TRIM45: variants seen among roughly 807,000 people sequenced by gnomAD.
TRIM45 encodes tripartite motif containing 45.
TRIM45 carries 45 observed loss-of-function variants against 46.7 expected under a neutral mutation model. That is an observed-to-expected ratio of 0.96 (90% CI 0.76 to 1.24). The LOEUF is 1.24. Among genes scored for constraint, TRIM45 ranks in the 50% most tolerant of loss-of-function variants. The pLI is 0.00. For synonymous variants in TRIM45, 259 were observed against 285.8 expected, an observed-to-expected ratio of 0.91 and a Z score of 0.94; for missense variants, 680 against 728.4, an observed-to-expected ratio of 0.93 and a Z score of 0.77.
intron 1 of TRIM45, among the ~76,000 whole-genome samples, chr1:117,119,849 A>T (rs1650554087): frequency 6.6e-6 from 1 of 152,252 alleles, no homozygotes; most frequent in African/African-American, 2.4e-5. Flanking sequence ...GCAGCAAGAC[A>T]GTCGCAGGGA....
rs536372527 is a variant in TRIM45 at position 117,117,333 on chromosome 1, A to C, written c.1223-588T>G. 6.6e-6 allele frequency among the ~76,000 whole-genome samples: 1 copy of C among 152,336 alleles called. No homozygotes were observed. Among genetic ancestry groups the C allele is most frequent in the South Asian group, 2.1e-4 (1 of 4,826 alleles). On this transcript the variant is annotated intron_variant, in intron 2 of 5. Transcript: ENST00000256649. This position sits in a 1 kb window ranked among gnomAD's most constrained non-coding sequence, Gnocchi z 4.9. ...AGTCTAAAAATCTGGAATTGTATGCACAAGTTACTGGGTGTTTCTGTAGGA... is the reference window on the plus strand; with the variant it reads ...AGTCTAAAAATCTGGAATTGTATGCCCAAGTTACTGGGTGTTTCTGTAGGA...
intron 4 of TRIM45, among the ~76,000 whole-genome samples, chr1:117,114,313 ATATT>A (rs1343408495): frequency 6.6e-6 from 1 of 152,192 alleles, no homozygotes; most frequent in African/African-American, 2.4e-5. Context: ...TAAACAAAAA[ATATT>A]TATTTATTTT....
chr1:117,112,763 G>A (rs962361604), intron 5 of TRIM45, among the ~76,000 whole-genome samples: 2 of 152,060 alleles, frequency 1.3e-5, no homozygotes, highest in South Asian at 4.1e-4. Context: ...GATTTTAACT[G>A]TAAAATCATT....
At chr1:117,112,475 G>A (rs982446602) in intron 5 of TRIM45, 22 bp from the exon 6 acceptor site, 2 of 1,589,070 alleles carry the variant, frequency 1.3e-6, no homozygotes, top group Non-Finnish European at 1.7e-6. Context: ...AAAGAGGAAA[G>A]GACAAAAATC....
In TRIM45 at chr1:117,113,706, C is replaced by G. The variant is rs1650304387; in HGVS notation, c.1468-221G>C. On this transcript the variant is annotated intron_variant, in intron 4 of 5. Transcript: ENST00000256649. The surrounding 1 kb of genome is among the most constrained non-coding windows in gnomAD (Gnocchi z 4.0). ...CACAGGGTCTATGCAGCCCTCCTAC[C>G]ATGCTTTTCACCGCAGATGCTAAGT... is the stretch of plus-strand genomic sequence containing the variant. Among the ~76,000 whole-genome samples, 1 of 152,176 alleles carries G rather than the reference C, an allele frequency of 6.6e-6. No homozygotes were observed.
Position 117,121,322 on chromosome 1 carries a change from C to G in TRIM45, c.-121G>C. 2 of 1,230,158 alleles carry G rather than the reference C, an allele frequency of 1.6e-6. No homozygotes were observed. Among genetic ancestry groups the G allele is most frequent in the Non-Finnish European group, 2.2e-6 (2 of 897,102 alleles). The allele number at this position is 1,230,158 out of a possible 1,614,324, so 76.2% of individuals were successfully genotyped here. ...AACTTGAACAGAGACCATGGGGACTCCCTCGCTGACAAATAAAAGGGCAGA... is the reference window on the plus strand; with the variant it reads ...AACTTGAACAGAGACCATGGGGACTGCCTCGCTGACAAATAAAAGGGCAGA... On this transcript the variant is annotated 5_prime_UTR_variant, in exon 1 of 6. Coordinates refer to ENST00000256649, the MANE Select transcript of TRIM45 (RefSeq NM_025188.4). This position sits in a 1 kb window ranked among gnomAD's most constrained non-coding sequence, Gnocchi z 4.2.
At chr1:117,119,968 C>T (rs1650559423) in intron 1 of TRIM45, among the ~76,000 whole-genome samples, 1 of 152,146 alleles carries the variant, frequency 6.6e-6, no homozygotes, top group African/African-American at 2.4e-5. Flanking sequence ...TAGGCTAATC[C>T]TAAAACTGTG....
In TRIM45 at chr1:117,117,106, T is replaced by C. The variant is rs1351276140; in HGVS notation, c.1223-361A>G. ...AAAACCACCCTCCCTAAGCTCCAGA[T>C]CCTGCTGGGCTAGGCAGGGAGTACA... On this transcript the variant is annotated intron_variant, in intron 2 of 5. Transcript: ENST00000256649. This position sits in a 1 kb window ranked among gnomAD's most constrained non-coding sequence, Gnocchi z 4.9. Among the ~76,000 whole-genome samples, 17 of 152,136 alleles carry C rather than the reference T, an allele frequency of 1.1e-4. 1 individual carries two copies. The highest frequency in any genetic ancestry group is 1.1e-3 in the Admixed American group (17 of 15,282).
chr1:117,118,323 C>A lies in TRIM45; in HGVS notation c.933G>T (p.Gln311His). 6.2e-7 allele frequency: 1 copy of A among 1,614,178 alleles called. No homozygotes were observed. Among genetic ancestry groups the A allele is most frequent in the Non-Finnish European group, 8.5e-7 (1 of 1,180,034 alleles). The part of the protein sequence containing the change: ...DIRAQKENSL[Q>H]LQKAQLEQLL... ...ACTGTTCCAGCTGGGCCTTCTGCAG[C>A]TGCAGGGAATTTTCCTTCTGGGCCC... is the stretch of plus-strand genomic sequence containing the variant. Residue 311 changes from glutamine (Q) to histidine (H), a missense_variant, in exon 2 of 6, where the codon CAG becomes CAT. Gln to His is a conservative substitution (Grantham distance 24, BLOSUM62 0). This residue lies in a region of TRIM45 where 322 missense variants were observed against 359.3 expected (regional missense o/e 0.90). Transcript: ENST00000256649. The surrounding 1 kb of genome is among the most constrained non-coding windows in gnomAD (Gnocchi z 5.7).
Position 117,111,535 on chromosome 1 carries a change from A to G in TRIM45, c.*770T>C, listed in dbSNP as rs1247485808. On this transcript the variant is annotated 3_prime_UTR_variant, in exon 6 of 6. Transcript: ENST00000256649. The stretch of plus-strand genomic sequence containing the variant: ...GATCACATTATCATGATCACAAAAC[A>G]TGTACCAGTAAATCCAATGAAAGTA... 13 of 152,230 alleles carry G rather than the reference A, an allele frequency of 8.5e-5. No individual in the cohort carries two copies. Among genetic ancestry groups the G allele is most frequent in the Admixed American group, 7.9e-4 (12 of 15,284 alleles). The allele number at this position is 152,230 out of a possible 1,614,324, so 9.4% of individuals were successfully genotyped here.
Position 117,121,138 on chromosome 1 carries a change from C to A in TRIM45, c.64G>T (p.Gly22Trp). Reference sequence around the variant, plus strand: ...GGGCAGTGAGTCTTGCCTGAGTTCCCAAGTGCAGTCCCACTAGTGAGTTTG... The same window carrying A: ...GGGCAGTGAGTCTTGCCTGAGTTCCAAAGTGCAGTCCCACTAGTGAGTTTG... ...VSKLTSGTAL[G>W]NSGKTHCPLC... Residue 22 changes from glycine to tryptophan, a missense_variant, in exon 1 of 6, where the codon GGG becomes TGG. Coordinates refer to ENST00000256649, the MANE Select transcript of TRIM45 (RefSeq NM_025188.4). The surrounding 1 kb of genome is among the most constrained non-coding windows in gnomAD (Gnocchi z 4.2). 6.2e-7 allele frequency: 1 copy of A among 1,609,144 alleles called. No individual in the cohort carries two copies. Among genetic ancestry groups the A allele is most frequent in the Non-Finnish European group, 8.5e-7 (1 of 1,177,564 alleles).
rs1290393249 is a variant in TRIM45 at position 117,113,340 on chromosome 1, G to A, written c.1594+19C>T. 1.2e-6 allele frequency: 2 copies of A among 1,611,402 alleles called. No homozygotes were observed. The highest frequency in any genetic ancestry group is 1.3e-5 in the African/African-American group (1 of 74,862). The stretch of plus-strand genomic sequence containing the variant: ...CCACTGCTGGCAGAAAGGCCCAGAG[G>A]GTAGTGCTTTCTCCTTACCTGGCAT... On this transcript the variant is annotated intron_variant, in intron 5 of 5. Transcript: ENST00000256649. This position sits in a 1 kb window ranked among gnomAD's most constrained non-coding sequence, Gnocchi z 4.0.
At position 117,118,252 on chromosome 1, in the gene TRIM45, A is replaced by T. The variant is rs949106171; in HGVS notation, c.1004T>A (p.Leu335Gln). ...RTGVEFTEHL[L>Q]TSGSDLEILI... ...GATCTCCAAGTCTGAGCCGCTGGTC[A>T]GCAAGTGCTCGGTGAACTCCACTCC... Residue 335 changes from leucine (L) to glutamine (Q), a missense_variant, in exon 2 of 6, where the codon CTG becomes CAG. Leu to Gln is a moderately radical substitution (Grantham distance 113). Around this residue, in one of 3 missense-constraint regions of TRIM45, gnomAD observed 322 missense variants for 359.3 expected, o/e 0.90. Transcript: ENST00000256649. The surrounding 1 kb of genome is among the most constrained non-coding windows in gnomAD (Gnocchi z 5.7). The T allele has an allele frequency of 2.5e-6, 4 of 1,614,192 alleles. No individual in the cohort carries two copies. Among genetic ancestry groups the T allele is most frequent in the Non-Finnish European group, 3.4e-6 (4 of 1,180,026 alleles).
chr1:117,121,571 C>G lies in TRIM45; in HGVS notation c.-370G>C. On this transcript the variant is annotated 5_prime_UTR_variant, in exon 1 of 6. Transcript: ENST00000256649. This position sits in a 1 kb window ranked among gnomAD's most constrained non-coding sequence, Gnocchi z 4.2. ...GCCACCCCCCTCCCGCCGCCCGCCC[C>G]ACTGCGCGCCACACGCGACAAGCGC... is the stretch of plus-strand genomic sequence containing the variant. The G allele has an allele frequency of 2.0e-6, 1 of 501,920 alleles. No homozygotes were observed. The highest frequency in any genetic ancestry group is 3.5e-6 in the Non-Finnish European group (1 of 285,380). 31.1% of individuals were successfully genotyped at this position (501,920 alleles called of 1,614,324 possible).
At position 117,113,594 on chromosome 1, in the gene TRIM45, T is replaced by TCCAA; in HGVS notation, c.1468-110_1468-109insTTGG. 1 of 1,389,540 alleles carries TCCAA rather than the reference T, an allele frequency of 7.2e-7. No individual in the cohort carries two copies. The highest frequency in any genetic ancestry group is 9.7e-7 in the Non-Finnish European group (1 of 1,032,544). The allele number at this position is 1,389,540 out of a possible 1,614,324, so 86.1% of individuals were successfully genotyped here. ...CTGAGGCACAGGGCCTGTCCTTGGA[T>TCCAA]GGACAAGGACAACAGGAAAGAAACA... is the stretch of plus-strand genomic sequence containing the variant. On this transcript the variant is annotated intron_variant, in intron 4 of 5. Transcript: ENST00000256649. This position sits in a 1 kb window ranked among gnomAD's most constrained non-coding sequence, Gnocchi z 4.0.
rs1650406919 is a variant in TRIM45, at chr1:117,116,510, A to C, written c.1352+106T>G. On this transcript the variant is annotated intron_variant, in intron 3 of 5. Transcript: ENST00000256649. This position sits in a 1 kb window ranked among gnomAD's most constrained non-coding sequence, Gnocchi z 4.6. ...TGCCTCCACTTCCCAAAGTGCTGGGATTACAGGCATGAGCCACTGTGCCCA... is the reference window on the plus strand; with the variant it reads ...TGCCTCCACTTCCCAAAGTGCTGGGCTTACAGGCATGAGCCACTGTGCCCA... The C allele has an allele frequency of 6.8e-7, 1 of 1,467,628 alleles. No homozygotes were observed. Among genetic ancestry groups the C allele is most frequent in the South Asian group, 1.3e-5 (1 of 77,810 alleles). The allele number at this position is 1,467,628 out of a possible 1,614,324, so 90.9% of individuals were successfully genotyped here. A position where few individuals can be genotyped will look rare whatever the true frequency, so the allele number is the denominator to read the frequency against.
At chr1:117,114,149 T>C (rs973997427) in intron 4 of TRIM45, among the ~76,000 whole-genome samples, 18 of 152,204 alleles carry the variant, frequency 1.2e-4, no homozygotes, top group Admixed American at 4.6e-4. Context: ...ACATGACTTA[T>C]CTGTTTACTC....
Position 117,121,249 on chromosome 1 carries a change from A to G in TRIM45, c.-48T>C. On this transcript the variant is annotated 5_prime_UTR_variant, in exon 1 of 6. Transcript: ENST00000256649. This position sits in a 1 kb window ranked among gnomAD's most constrained non-coding sequence, Gnocchi z 4.2. ...ATTAGAAAGGGCCCTGGGCAGTTCT[A>G]CGATTTAGTAGCAGGTGATTAAGCC... 6.7e-7 allele frequency: 1 copy of G among 1,502,514 alleles called. No homozygotes were observed. The highest frequency in any genetic ancestry group is 8.8e-7 in the Non-Finnish European group (1 of 1,134,484). The allele number at this position is 1,502,514 out of a possible 1,614,324, so 93.1% of individuals were successfully genotyped here.
In TRIM45 at chr1:117,116,154, C is replaced by A. The variant is rs1557846420; in HGVS notation, c.1352+462G>T. Among the ~76,000 whole-genome samples, 1 of 152,114 alleles carries A rather than the reference C, an allele frequency of 6.6e-6. No homozygotes were observed. The highest frequency in any genetic ancestry group is 1.5e-5 in the Non-Finnish European group (1 of 68,028). On this transcript the variant is annotated intron_variant, in intron 3 of 5. Transcript: ENST00000256649. This position sits in a 1 kb window ranked among gnomAD's most constrained non-coding sequence, Gnocchi z 4.6. The stretch of plus-strand genomic sequence containing the variant: ...GAGAGAGAATTGAATACAAAACCCA[C>A]ACAAGAAAACACATTTGGTCACGTA...
Sources: allele counts gnomAD v4.1 joint callset (sites outside exome capture counted in the v4.1 genomes callset), GRCh38; gene constraint gnomAD v4.1.1; regional missense constraint gnomAD v4.1.1; non-coding constraint Gnocchi (gnomAD v3.1); transcripts MANE v1.5; gene names NCBI Gene and HGNC (gene_info 2026-07-23, HGNC 2026-07-21).